OR6J1: variants seen among roughly 807,000 people sequenced by gnomAD.
OR6J1 encodes the protein olfactory receptor family 6 subfamily J member 1.
For synonymous variants in OR6J1, 109 were observed against 70.0 expected, an observed-to-expected ratio of 1.56 and a Z score of -2.78; for missense variants, 304 against 166.8, an observed-to-expected ratio of 1.82 and a Z score of -4.53.
intron 1 of OR6J1, among the ~76,000 whole-genome samples, chr14:22,641,558 GAAAAAGA>G (rs1366622489): frequency 8.8e-6 from 1 of 113,628 alleles, no homozygotes; most frequent in Non-Finnish European, 2.0e-5. Context: ...AAGAAATAAA[GAAAAAGA>G]AAAAAGAAAG....
chr14:22,636,888 T>C (rs1191251386), intron 1 of OR6J1, among the ~76,000 whole-genome samples: 5 of 116,438 alleles, frequency 4.3e-5, no homozygotes, highest in African/African-American at 1.4e-4. Flanking sequence ...GTCTGGGATA[T>C]GAGGAGCCTC....
In OR6J1 at chr14:22,634,823, G is replaced by C. The variant is rs1200378630; in HGVS notation, c.-12C>G. 1 of 666,220 alleles carries C rather than the reference G, an allele frequency of 1.5e-6. No individual in the cohort carries two copies. The highest frequency in any genetic ancestry group is 2.7e-6 in the Non-Finnish European group (1 of 367,712). The allele number at this position is 666,220 out of a possible 1,614,324, so 41.3% of individuals were successfully genotyped here. Reference sequence around the variant, plus strand: ...GTCCAGTTACCCATGGGCCTGGTGGGCCTGGCTCAATTCTCCTAACAGAAC... The same window carrying C: ...GTCCAGTTACCCATGGGCCTGGTGGCCCTGGCTCAATTCTCCTAACAGAAC... On this transcript the variant is annotated 5_prime_UTR_variant, in exon 2 of 2. Coordinates refer to ENST00000540461, the MANE Select transcript of OR6J1 (RefSeq NM_001348233.2).
intron 1 of OR6J1, among the ~76,000 whole-genome samples, chr14:22,642,060 G>A (rs2037656875): frequency 6.6e-6 from 1 of 151,994 alleles, no homozygotes; most frequent in South Asian, 2.1e-4. Flanking sequence ...GCCCATCTAA[G>A]CTGAGTCAGA....
chr14:22,634,896 G>C, intron 1 of OR6J1, 58 bp from the exon 2 acceptor site: 1 of 591,894 alleles, frequency 1.7e-6, no homozygotes, highest in Non-Finnish European at 3.0e-6. Flanking sequence ...AAACCCCATG[G>C]CTGCTCACTA....
chr14:22,638,658 T>TAA lies in OR6J1; in HGVS notation c.-27-3822_-27-3821dup, dbSNP rs1349860930. On this transcript the variant is annotated intron_variant, in intron 1 of 1. Coordinates refer to ENST00000540461, the MANE Select transcript of OR6J1 (RefSeq NM_001348233.2). ...ACCCAAGAATGATCAATAAAAAAAA[T>TAA]AAAAATAAAAAAAAAATAAAAAAAA... Among the ~76,000 whole-genome samples, 229 of 36,556 alleles carry TAA rather than the reference T, an allele frequency of 6.3e-3. 10 individuals carry two copies. Among genetic ancestry groups the TAA allele is most frequent in the Admixed American group, 0.014 (84 of 5,962 alleles). 24.0% of individuals were successfully genotyped at this position (36,556 alleles called of 152,430 possible). A position where few individuals can be genotyped will look rare whatever the true frequency, so the allele number is the denominator to read the frequency against.
intron 1 of OR6J1, among the ~76,000 whole-genome samples, chr14:22,642,483 G>A (rs553596859): frequency 2.6e-5 from 4 of 151,412 alleles, no homozygotes; most frequent in Non-Finnish European, 4.4e-5. Flanking sequence ...GGGATTACAG[G>A]CGTGTGCCAC....
rs901047585 is a variant in OR6J1, at chr14:22,633,197, G to A, written c.*571C>T. 2 of 154,424 alleles carry A rather than the reference G, an allele frequency of 1.3e-5. No individual in the cohort carries two copies. Among genetic ancestry groups the A allele is most frequent in the East Asian group, 3.8e-4 (2 of 5,206 alleles). The allele number at this position is 154,424 out of a possible 1,614,324, so 9.6% of individuals were successfully genotyped here. ...TCCATGGATCAATCATTAGTGGCTA[G>A]GGGAACAGGGCCATGTCTTACATAA... is the stretch of plus-strand genomic sequence containing the variant. On this transcript the variant is annotated 3_prime_UTR_variant, in exon 2 of 2. Coordinates refer to ENST00000540461, the MANE Select transcript of OR6J1 (RefSeq NM_001348233.2).
At chr14:22,639,471 C>A (rs1249268652) in intron 1 of OR6J1, among the ~76,000 whole-genome samples, 1 of 133,416 alleles carries the variant, frequency 7.5e-6, no homozygotes, top group Non-Finnish European at 1.6e-5. Flanking sequence ...GCCACCACCC[C>A]GTCTGGGAGG....
Position 22,639,599 on chromosome 14 carries a change from A to G in OR6J1, c.-28+4499T>C, listed in dbSNP as rs1390517043. ...CGGATGGTTGCCGTGTCTGTGTAGA[A>G]GGAAGTAGACATGGGAGACTTTTCA... On this transcript the variant is annotated intron_variant, in intron 1 of 1. Coordinates refer to ENST00000540461, the MANE Select transcript of OR6J1 (RefSeq NM_001348233.2). Among the ~76,000 whole-genome samples the G allele has an allele frequency of 3.7e-3, 474 of 127,320 alleles. 17 individuals carry two copies. The highest frequency in any genetic ancestry group is 0.019 in the African/African-American group (453 of 24,348). The allele number at this position is 127,320 out of a possible 152,430, so 83.5% of individuals were successfully genotyped here.
intron 1 of OR6J1, among the ~76,000 whole-genome samples, chr14:22,643,544 G>T (rs151324876): frequency 6.6e-6 from 1 of 151,814 alleles, no homozygotes; most frequent in Non-Finnish European, 1.5e-5. Context: ...CGATCTTCCT[G>T]TCTTAGCATC....
intron 1 of OR6J1, among the ~76,000 whole-genome samples, chr14:22,639,254 A>C (rs1394430522): frequency 5.1e-4 from 58 of 112,804 alleles, no homozygotes; most frequent in African/African-American, 1.5e-3. Flanking sequence ...GCCCCCCGCC[A>C]GGCCAGCCGC....
chr14:22,634,723 A>C lies in OR6J1; in HGVS notation c.89T>G (p.Leu30Arg). 3 of 711,062 alleles carry C rather than the reference A, an allele frequency of 4.2e-6. No individual in the cohort carries two copies. The highest frequency in any genetic ancestry group is 7.7e-6 in the Non-Finnish European group (3 of 388,510). 44.0% of individuals were successfully genotyped at this position (711,062 alleles called of 1,614,324 possible). ...REVELLLLVL[L>R]LPTFLLTLLG... is the part of the protein sequence containing the mutation. ...AAGAGTCAGCAGGAACGTGGGCAGC[A>C]GGAGCACCAGGAGCAGCAGCTCCAC... Residue 30 changes from leucine to arginine, a missense_variant, in exon 2 of 2, where the codon CTG becomes CGG. By Grantham distance (102) the Leu-to-Arg change is moderately radical. Coordinates refer to ENST00000540461, the MANE Select transcript of OR6J1 (RefSeq NM_001348233.2).
chr14:22,643,175 C>T (rs1299796823), intron 1 of OR6J1, among the ~76,000 whole-genome samples: 1 of 151,900 alleles, frequency 6.6e-6, no homozygotes, highest in Non-Finnish European at 1.5e-5. Flanking sequence ...CCCATGTTGG[C>T]CAGGCTGGTC....
In OR6J1 at chr14:22,644,235, A is replaced by C. The variant is rs560763657; in HGVS notation, c.-165T>G. On this transcript the variant is annotated 5_prime_UTR_variant, in exon 1 of 2. Transcript: ENST00000540461. ...CCACATGAGAGCAGCAGTGTTTGACAGGTGAAATGAGCCCTTCCCAACTCA... is the reference window on the plus strand; with the variant it reads ...CCACATGAGAGCAGCAGTGTTTGACCGGTGAAATGAGCCCTTCCCAACTCA... The C allele has an allele frequency of 6.6e-6, 1 of 152,390 alleles. No homozygotes were observed. The highest frequency in any genetic ancestry group is 2.4e-5 in the African/African-American group (1 of 41,580). The allele number at this position is 152,390 out of a possible 1,614,324, so 9.4% of individuals were successfully genotyped here. A position where few individuals can be genotyped will look rare whatever the true frequency, so the allele number is the denominator to read the frequency against.
At position 22,634,099 on chromosome 14, in the gene OR6J1, T is replaced by C. The variant is rs1566394012; in HGVS notation, c.713A>G (p.Asn238Ser). 1.4e-6 allele frequency: 1 copy of C among 703,080 alleles called. No homozygotes were observed. The highest frequency in any genetic ancestry group is 2.0e-5 in the Admixed American group (1 of 50,018). The allele number at this position is 703,080 out of a possible 1,614,324, so 43.6% of individuals were successfully genotyped here. The change falls in exon 2 of 2, where the codon AAT becomes AGT. Residue 238 changes from asparagine (N) to serine (S), a missense_variant. Asn to Ser is a conservative substitution (Grantham distance 46). Coordinates refer to ENST00000540461, the MANE Select transcript of OR6J1 (RefSeq NM_001348233.2). ...PSASGRKKAF[N>S]TCASHLTIVI... The stretch of plus-strand genomic sequence containing the variant: ...TATGGTCAGGTGGGAAGCACAGGTA[T>C]TAAAGGCCTTCTTCCTTCCACTTGC...
rs2037645008 is a variant in OR6J1 at position 22,641,244 on chromosome 14, A to AGAAG, written c.-28+2853_-28+2854insCTTC. Among the ~76,000 whole-genome samples the AGAAG allele has an allele frequency of 1.6e-4, 6 of 38,228 alleles. 1 individual carries two copies. Among genetic ancestry groups the AGAAG allele is most frequent in the African/African-American group, 5.6e-4 (6 of 10,744 alleles). 25.1% of individuals were successfully genotyped at this position (38,228 alleles called of 152,430 possible). A position where few individuals can be genotyped will look rare whatever the true frequency, so the allele number is the denominator to read the frequency against. On this transcript the variant is annotated intron_variant, in intron 1 of 1. Transcript: ENST00000540461. Reference sequence around the variant, plus strand: ...AAGAAAGAAAGAAAGAAAGAAAGAAAGAAAGAAAGAAAGAAAGAAAGAAAG... The same window carrying AGAAG: ...AAGAAAGAAAGAAAGAAAGAAAGAAAGAAGGAAAGAAAGAAAGAAAGAAAGAAAG...
chr14:22,640,147 C>T (rs934547121), intron 1 of OR6J1, among the ~76,000 whole-genome samples: 1 of 139,928 alleles, frequency 7.1e-6, no homozygotes, highest in African/African-American at 2.6e-5. Context: ...ACATATGCCC[C>T]AGGAGACAAA....
At chr14:22,638,245 ATGGTT>A (rs2037611026) in intron 1 of OR6J1, among the ~76,000 whole-genome samples, 1 of 68,930 alleles carries the variant, frequency 1.5e-5, no homozygotes, top group Non-Finnish European at 2.6e-5. Context: ...GAGAAATCAG[ATGGTT>A]GCCGGGTCTG....
chr14:22,633,863 C>T lies in OR6J1; in HGVS notation c.949G>A (p.Ala317Thr), dbSNP rs567764417. The part of the protein sequence containing the change: ...VRGVFEKRMR[A>T]VLRSRLSSNK... ...GAGGATAATCTGCTTCTCAGCACTGCCCTCATCCTCTTTTCAAAAACTCCT... is the reference window on the plus strand; with the variant it reads ...GAGGATAATCTGCTTCTCAGCACTGTCCTCATCCTCTTTTCAAAAACTCCT... The change falls in exon 2 of 2, where the codon GCA (alanine) becomes ACA (threonine). Residue 317 changes from alanine to threonine, a missense_variant. Ala to Thr is a moderately conservative substitution (Grantham distance 58, BLOSUM62 0). Transcript: ENST00000540461. 4 of 702,828 alleles carry T rather than the reference C, an allele frequency of 5.7e-6. No individual in the cohort carries two copies. Among genetic ancestry groups the T allele is most frequent in the Non-Finnish European group, 1.0e-5 (4 of 384,830 alleles). 43.5% of individuals were successfully genotyped at this position (702,828 alleles called of 1,614,324 possible).
Sources: allele counts gnomAD v4.1 joint callset (sites outside exome capture counted in the v4.1 genomes callset), GRCh38; gene constraint gnomAD v4.1.1; transcripts MANE v1.5; gene names NCBI Gene and HGNC (gene_info 2026-07-23, HGNC 2026-07-21).